The following CNTNAP5 variants were observed in gnomAD, a reference collection of about 807,000 sequenced individuals.
The protein encoded by CNTNAP5 is contactin associated protein family member 5, also known as contactin-associated protein-like 5.
A neutral mutation model predicts 150.2 loss-of-function variants in CNTNAP5; 72 were observed. The observed-to-expected ratio is 0.48, with a 90% CI of 0.40 to 0.58. CNTNAP5 has a LOEUF of 0.58. CNTNAP5 is among the 20% of genes least tolerant of loss of function. The probability of loss-of-function intolerance (pLI) is 0.00; values close to 1 mark genes in which losing one functional copy is unlikely to be tolerated. For missense variants in CNTNAP5, 1,636 were observed against 1,626.2 expected (o/e 1.01, Z -0.10); for synonymous variants, 672 against 619.8 (o/e 1.08, Z -1.25).
intron 1 of CNTNAP5, among the ~76,000 whole-genome samples, chr2:124,201,581 G>A (rs1347431316): frequency 1.3e-5 from 2 of 152,118 alleles, no homozygotes; most frequent in African/African-American, 4.8e-5. Flanking sequence ...CTCCCCATGG[G>A]GCTCACCATT....
intron 10 of CNTNAP5, among the ~76,000 whole-genome samples, chr2:124,528,935 T>C (rs981273085): frequency 2.0e-5 from 3 of 152,140 alleles, no homozygotes; most frequent in Admixed American, 2.0e-4. Context: ...ATGCAGTGCA[T>C]AGTCTCTGCT....
chr2:124,025,611 A>C lies in CNTNAP5; in HGVS notation c.-40A>C. ...AAGAAGCCGCGGCTGGCTACTGCGA[A>C]TTTGGGATTCGATTGGGAGGGACCG... On this transcript the variant is annotated 5_prime_UTR_variant, in exon 1 of 24. Coordinates refer to ENST00000682447, the MANE Select transcript of CNTNAP5 (RefSeq NM_001367498.1). The C allele has an allele frequency of 6.3e-7, 1 of 1,596,894 alleles. No individual in the cohort carries two copies. Among genetic ancestry groups the C allele is most frequent in the Non-Finnish European group, 8.6e-7 (1 of 1,164,550 alleles).
intron 10 of CNTNAP5, among the ~76,000 whole-genome samples, chr2:124,555,075 A>C (rs1315731530): frequency 6.6e-6 from 1 of 151,978 alleles, no homozygotes; most frequent in Non-Finnish European, 1.5e-5. Context: ...ACCCTGTTAA[A>C]ATTCATCATA....
At chr2:124,453,184 A>C (rs180910267) in intron 6 of CNTNAP5, among the ~76,000 whole-genome samples, 2 of 152,250 alleles carry the variant, frequency 1.3e-5, no homozygotes, top group Admixed American at 1.3e-4. Flanking sequence ...CACAAATAAA[A>C]AACAATCAAA....
At chr2:124,627,198 C>G (rs1054941630) in intron 12 of CNTNAP5, among the ~76,000 whole-genome samples, 1 of 152,118 alleles carries the variant, frequency 6.6e-6, no homozygotes, top group Non-Finnish European at 1.5e-5. Flanking sequence ...GAGGAGGATT[C>G]CCCCCAGCAC....
At chr2:124,682,368 G>C (rs1036284432) in intron 13 of CNTNAP5, among the ~76,000 whole-genome samples, 1 of 152,124 alleles carries the variant, frequency 6.6e-6, no homozygotes, top group Non-Finnish European at 1.5e-5. Context: ...AACCAGCTGA[G>C]GTCTGACTTC....
At chr2:124,215,162 G>A (rs934235244) in intron 1 of CNTNAP5, among the ~76,000 whole-genome samples, 2 of 152,092 alleles carry the variant, frequency 1.3e-5, no homozygotes, top group Non-Finnish European at 2.9e-5. Context: ...GACAAAGTAG[G>A]CTATTAAGTG....
intron 12 of CNTNAP5, among the ~76,000 whole-genome samples, chr2:124,623,821 T>C (rs1320390789): frequency 2.0e-5 from 3 of 152,244 alleles, no homozygotes; most frequent in Non-Finnish European, 4.4e-5. Context: ...ATGGGTGACA[T>C]ATGTGCTGTG....
chr2:124,538,711 A>T, intron 10 of CNTNAP5, among the ~76,000 whole-genome samples: 1 of 152,158 alleles, frequency 6.6e-6, no homozygotes, highest in East Asian at 1.9e-4. Flanking sequence ...AGAAATTTAG[A>T]TGTTTTAGAT....
chr2:124,099,202 C>A (rs767374922), intron 1 of CNTNAP5, among the ~76,000 whole-genome samples: 10 of 152,152 alleles, frequency 6.6e-5, no homozygotes, highest in African/African-American at 2.2e-4. Context: ...CCATCTTGAA[C>A]GTCCTTTATG....
intron 13 of CNTNAP5, among the ~76,000 whole-genome samples, chr2:124,731,386 T>G (rs1186019161): frequency 1.3e-5 from 2 of 152,038 alleles, no homozygotes; most frequent in Non-Finnish European, 1.5e-5. Context: ...CAGATAATGC[T>G]TATTAACCAT....
At chr2:124,300,036 G>A (rs536444645) in intron 3 of CNTNAP5, among the ~76,000 whole-genome samples, 25 of 152,306 alleles carry the variant, frequency 1.6e-4, no homozygotes, top group African/African-American at 5.5e-4. Context: ...AATATTTGGT[G>A]AGGATTAAAT....
intron 2 of CNTNAP5, among the ~76,000 whole-genome samples, chr2:124,225,699 C>A (rs1453998048): frequency 6.6e-6 from 1 of 152,144 alleles, no homozygotes; most frequent in Non-Finnish European, 1.5e-5. Context: ...ACTATAGTCA[C>A]CATGCTGTAC....
intron 12 of CNTNAP5, among the ~76,000 whole-genome samples, chr2:124,644,661 G>C (rs1678166512): frequency 6.6e-6 from 1 of 152,116 alleles, no homozygotes; most frequent in African/African-American, 2.4e-5. Flanking sequence ...TGAGACTGGG[G>C]ACAAGTCTAA....
intron 16 of CNTNAP5, among the ~76,000 whole-genome samples, chr2:124,766,815 G>C (rs922988913): frequency 6.6e-6 from 1 of 152,094 alleles, no homozygotes; most frequent in Non-Finnish European, 1.5e-5. Flanking sequence ...CAGTTTGTTT[G>C]CACTTTGTGG....
chr2:124,062,487 G>A (rs1218638277), intron 1 of CNTNAP5, among the ~76,000 whole-genome samples: 3 of 152,198 alleles, frequency 2.0e-5, no homozygotes, highest in Non-Finnish European at 2.9e-5. Context: ...CATATGCAAT[G>A]TGTGGAACTG....
chr2:124,350,453 GT>G (rs71641606), intron 3 of CNTNAP5, among the ~76,000 whole-genome samples: 22,255 of 142,822 alleles, frequency 0.16, 1,827 homozygotes, highest in African/African-American at 0.2. Context: ...TTTGTGGCTT[GT>G]TTTTTTTTTT....
chr2:124,051,342 G>A (rs1681689981), intron 1 of CNTNAP5, among the ~76,000 whole-genome samples: 1 of 152,300 alleles, frequency 6.6e-6, no homozygotes, highest in South Asian at 2.1e-4. Context: ...CTGCTTATGA[G>A]AAGGTCTGCA....
chr2:124,885,561 A>T (rs1345258226), intron 21 of CNTNAP5, among the ~76,000 whole-genome samples: 1 of 146,568 alleles, frequency 6.8e-6, no homozygotes, highest in African/African-American at 2.6e-5. Context: ...ACACACACAC[A>T]CACACACACA....
Sources: gnomAD v4.1 joint callset for allele counts (sites outside exome capture counted in the v4.1 genomes callset) on GRCh38, gnomAD v4.1.1 for gene constraint, MANE v1.5 for transcripts, NCBI Gene and HGNC (gene_info 2026-07-23, HGNC 2026-07-21) for gene names.